The following RERE variants were observed in gnomAD, a reference collection of about 807,000 sequenced individuals.
RERE encodes arginine-glutamic acid dipeptide repeats, also known as arginine-glutamic acid dipeptide repeats protein.
RERE carries 40 observed loss-of-function variants against 146.1 expected under a neutral mutation model. That is an observed-to-expected ratio of 0.27 (90% CI 0.21 to 0.36). The LOEUF (loss-of-function observed/expected upper bound fraction) is 0.36. Among genes scored for constraint, RERE ranks in the 10% least tolerant of loss-of-function variants. RERE has a pLI of 1.00. For missense variants in RERE, 1,933 were observed against 2,138.7 expected (o/e 0.90, Z 1.90); for synonymous variants, 1,003 against 866.0 (o/e 1.16, Z -2.78).
In RERE at chr1:8,610,943, C is replaced by T. The variant is rs576223778; in HGVS notation, c.522+3618G>A. ...GGCACGGTGGCTCACATGTGTAATC[C>T]CAGCACTTTGGGAGGCCTAGGTGGG... On this transcript the variant is annotated intron_variant, in intron 4 of 22. Coordinates refer to ENST00000400908, the MANE Select transcript of RERE (RefSeq NM_001042681.2). Among the ~76,000 whole-genome samples, 7 of 151,212 alleles carry T rather than the reference C, an allele frequency of 4.6e-5. No individual in the cohort carries two copies. The East Asian group carries it at 1.4e-3, about 29-fold the overall frequency.
intron 12 of RERE, among the ~76,000 whole-genome samples, chr1:8,413,545 T>C (rs950324707): frequency 6.6e-5 from 10 of 151,554 alleles, no homozygotes; most frequent in African/African-American, 2.2e-4. Flanking sequence ...GGTTTCACCA[T>C]GTTGCCTAGG....
chr1:8,733,669 T>G (rs1397364494), intron 1 of RERE, among the ~76,000 whole-genome samples: 1 of 152,228 alleles, frequency 6.6e-6, no homozygotes, highest in Admixed American at 6.5e-5. Context: ...CTATCAAGCC[T>G]TCAGTTGACT....
intron 12 of RERE, among the ~76,000 whole-genome samples, chr1:8,379,363 C>G (rs1274460857): frequency 6.6e-6 from 1 of 151,906 alleles, no homozygotes; most frequent in African/African-American, 2.4e-5. Flanking sequence ...ACTTCACAGA[C>G]AGACAAATGT....
chr1:8,650,079 A>C (rs80202588), intron 2 of RERE, among the ~76,000 whole-genome samples: 2,319 of 152,280 alleles, frequency 0.015, 61 homozygotes, highest in African/African-American at 0.053. Context: ...GGGCAGTGTA[A>C]GTAACAAAAT....
At chr1:8,544,887 C>T (rs1645839830) in intron 6 of RERE, among the ~76,000 whole-genome samples, 1 of 152,136 alleles carries the variant, frequency 6.6e-6, no homozygotes, top group African/African-American at 2.4e-5. Flanking sequence ...TTTCCATAAC[C>T]AGGTAAGGCC....
rs1318762704 is a variant in RERE at position 8,401,060 on chromosome 1, T to C, written c.1284+21667A>G. Reference sequence around the variant, plus strand: ...AACCATATATATATATATATATATATATATATATATATGTCACTTAATAGT... The same window carrying C: ...AACCATATATATATATATATATATACATATATATATATGTCACTTAATAGT... On this transcript the variant is annotated intron_variant, in intron 12 of 22. Transcript: ENST00000400908. Among the ~76,000 whole-genome samples, 9 of 118,904 alleles carry C rather than the reference T, an allele frequency of 7.6e-5. 1 individual carries two copies. In the East Asian group the frequency reaches 1.9e-3, roughly 25 times the overall value. 78.0% of individuals were successfully genotyped at this position (118,904 alleles called of 152,430 possible).
intron 1 of RERE, among the ~76,000 whole-genome samples, chr1:8,710,705 C>T (rs1569604408): frequency 6.6e-6 from 1 of 152,036 alleles, no homozygotes; most frequent in African/African-American, 2.4e-5. Flanking sequence ...TTAGTAGAGA[C>T]GGGGTTTCAC....
chr1:8,512,104 G>C (rs977904807), intron 7 of RERE, among the ~76,000 whole-genome samples: 1 of 132,042 alleles, frequency 7.6e-6, no homozygotes, highest in Non-Finnish European at 1.6e-5. Context: ...CGCAATCTCG[G>C]CTCACTGCAA....
intron 1 of RERE, among the ~76,000 whole-genome samples, chr1:8,682,462 CTGT>C (rs1638992618): frequency 1.3e-5 from 2 of 152,246 alleles, no homozygotes; most frequent in South Asian, 2.1e-4. Context: ...CCTGTGGGCA[CTGT>C]TGTTGTTGTA....
At chr1:8,623,684 C>T (rs1367431856) in intron 3 of RERE, among the ~76,000 whole-genome samples, 2 of 152,054 alleles carry the variant, frequency 1.3e-5, no homozygotes, top group Non-Finnish European at 2.9e-5. Flanking sequence ...CCTAAAAAAG[C>T]GATTTCATAA....
At chr1:8,703,544 T>G (rs1639503529) in intron 1 of RERE, among the ~76,000 whole-genome samples, 1 of 152,114 alleles carries the variant, frequency 6.6e-6, no homozygotes, top group South Asian at 2.1e-4. Flanking sequence ...CAGCTGCAAT[T>G]TTATCTCCTT....
At chr1:8,743,959 T>G (rs992413886) in intron 1 of RERE, among the ~76,000 whole-genome samples, 1 of 152,176 alleles carries the variant, frequency 6.6e-6, no homozygotes, top group Non-Finnish European at 1.5e-5. Context: ...TAAGGAATAT[T>G]TGGGTTTGTT....
At chr1:8,602,533 A>AT (rs892345713) in intron 4 of RERE, among the ~76,000 whole-genome samples, 1 of 151,546 alleles carries the variant, frequency 6.6e-6, no homozygotes, top group Non-Finnish European at 1.5e-5. Flanking sequence ...AGAAAAAAAA[A>AT]AAACTAAACT....
chr1:8,501,417 C>G (rs1570350199), intron 8 of RERE, among the ~76,000 whole-genome samples: 1 of 66,610 alleles, frequency 1.5e-5, no homozygotes, highest in South Asian at 4.8e-4. Context: ...CCGCCCCGTC[C>G]GGGAGGTGAG....
In RERE at chr1:8,545,982, CTTTTTTT is replaced by C. The variant is rs3050828; in HGVS notation, c.726-4671_726-4665del. On this transcript the variant is annotated intron_variant, in intron 6 of 22. Coordinates refer to ENST00000400908, the MANE Select transcript of RERE (RefSeq NM_001042681.2). ...ACAGGTGCAAGCTACCATACCCAGT[CTTTTTTT>C]TTTTTTTTTTTTTTTTTTGAGATAG... Among the ~76,000 whole-genome samples the C allele has an allele frequency of 9.0e-3, 628 of 69,498 alleles. 15 individuals are homozygous for C. Among genetic ancestry groups the C allele is most frequent in the African/African-American group, 0.035 (587 of 16,716 alleles). The allele number at this position is 69,498 out of a possible 152,430, so 45.6% of individuals were successfully genotyped here. A position where few individuals can be genotyped will look rare whatever the true frequency, so the allele number is the denominator to read the frequency against.
At chr1:8,812,180 C>T (rs1367484484) in intron 1 of RERE, among the ~76,000 whole-genome samples, 1 of 152,154 alleles carries the variant, frequency 6.6e-6, no homozygotes, top group Non-Finnish European at 1.5e-5. Flanking sequence ...TAAGATAAAA[C>T]CCATGGCTTC....
chr1:8,766,546 C>CAAAAAAAAA (rs60530407), intron 1 of RERE, among the ~76,000 whole-genome samples: 1 of 66,010 alleles, frequency 1.5e-5, no homozygotes, highest in African/African-American at 5.7e-5. Context: ...GACTCCATTG[C>CAAAAAAAAA]AAAAAAAAAA....
At chr1:8,751,092 C>G (rs573924193) in intron 1 of RERE, 1 of 490,374 alleles carries the variant, frequency 2.0e-6, no homozygotes, top group Non-Finnish European at 3.7e-6. Context: ...ATGAAGAAAA[C>G]CTTGACTATC....
intron 2 of RERE, among the ~76,000 whole-genome samples, chr1:8,643,078 T>C (rs1647201620): frequency 6.6e-6 from 1 of 151,834 alleles, no homozygotes; most frequent in Non-Finnish European, 1.5e-5. Flanking sequence ...ACAACAGAAA[T>C]GGAAATGGAA....
Sources: allele counts gnomAD v4.1 joint callset (sites outside exome capture counted in the v4.1 genomes callset), GRCh38; gene constraint gnomAD v4.1.1; transcripts MANE v1.5; gene names NCBI Gene and HGNC (gene_info 2026-07-23, HGNC 2026-07-21).